The following PLBD1 variants were observed in gnomAD, a reference collection of about 807,000 sequenced individuals.
PLBD1 encodes the protein phospholipase B domain containing 1, also known as lysosomal leucine aminopeptidase.
A neutral mutation model predicts 63.0 loss-of-function variants in PLBD1; 60 were observed. That is an observed-to-expected ratio of 0.95 (90% CI 0.77 to 1.18). The LOEUF (loss-of-function observed/expected upper bound fraction) is 1.18. Among genes scored for constraint, PLBD1 ranks in the 50% most tolerant of loss-of-function variants. PLBD1 has a pLI of 0.00. For missense variants in PLBD1, 598 were observed against 677.9 expected (o/e 0.88, Z 1.31); for synonymous variants, 262 against 248.0 (o/e 1.06, Z -0.53).
chr12:14,559,729 ATT>A (rs1459867883), intron 1 of PLBD1, among the ~76,000 whole-genome samples: 1 of 151,974 alleles, frequency 6.6e-6, no homozygotes, highest in African/African-American at 2.4e-5. Flanking sequence ...TATAAAAAGT[ATT>A]TTTTTCTATA....
intron 4 of PLBD1, 131 bp from the exon 5 acceptor site, chr12:14,536,841 C>G (rs34400133): frequency 0.017 from 21,733 of 1,254,372 alleles, 242 homozygotes; most frequent in Non-Finnish European, 0.021. Flanking sequence ...GTAATCCCAG[C>G]ACTTTGGGAG....
chr12:14,504,379 T>C (rs1945233271), intron 10 of PLBD1, among the ~76,000 whole-genome samples: 1 of 152,210 alleles, frequency 6.6e-6, no homozygotes, highest in Non-Finnish European at 1.5e-5. Context: ...TTTCTTGCCA[T>C]TTTTCACATT....
Position 14,506,983 on chromosome 12 carries a change from T to G in PLBD1, c.1322A>C (p.Gln441Pro). 6.2e-7 allele frequency: 1 copy of G among 1,614,156 alleles called. No individual in the cohort carries two copies. Among genetic ancestry groups the G allele is most frequent in the Middle Eastern group, 1.6e-4 (1 of 6,062 alleles). The change falls in exon 9 of 11, where the codon CAA becomes CCA. Residue 441 changes from glutamine (Q) to proline (P), a missense_variant. Coordinates refer to ENST00000240617, the MANE Select transcript of PLBD1 (RefSeq NM_024829.6). ...APRAKIFRRD[Q>P]GKVTDTASMK... ...GGATGCCGTATCAGTCACTTTCCCT[T>G]GGTCACGCCGGAAAATTTTGGCTCG...
Position 14,550,834 on chromosome 12 carries a change from C to T in PLBD1, c.335+2359G>A, listed in dbSNP as rs375949569. 2.5e-4 allele frequency among the ~76,000 whole-genome samples: 38 copies of T among 151,114 alleles called. No individual in the cohort carries two copies. The East Asian group carries it at 6.7e-3, about 27-fold the overall frequency. On this transcript the variant is annotated intron_variant, in intron 2 of 10. Coordinates refer to ENST00000240617, the MANE Select transcript of PLBD1 (RefSeq NM_024829.6). Reference sequence around the variant, plus strand: ...CGGAGGTTGCAGTGAACCGAGATCACGCCATCGCACTCTAGCCTGGGCAGC... The same window carrying T: ...CGGAGGTTGCAGTGAACCGAGATCATGCCATCGCACTCTAGCCTGGGCAGC...
chr12:14,549,780 T>C (rs1945642204), intron 2 of PLBD1, among the ~76,000 whole-genome samples: 1 of 152,058 alleles, frequency 6.6e-6, no homozygotes, highest in Non-Finnish European at 1.5e-5. Context: ...TGATTCTCCT[T>C]CCTCAGCCTC....
intron 1 of PLBD1, among the ~76,000 whole-genome samples, chr12:14,563,150 T>C (rs1012016583): frequency 6.6e-6 from 1 of 152,226 alleles, no homozygotes; most frequent in Non-Finnish European, 1.5e-5. Flanking sequence ...AAGTGGGCAC[T>C]TCCTTCAGAC....
chr12:14,564,914 CTT>C (rs962859936), intron 1 of PLBD1, among the ~76,000 whole-genome samples: 1 of 152,186 alleles, frequency 6.6e-6, no homozygotes, highest in African/African-American at 2.4e-5. Flanking sequence ...AGATGTTAAA[CTT>C]TTTCAGAACC....
At chr12:14,521,148 C>T (rs773498398) in intron 6 of PLBD1, among the ~76,000 whole-genome samples, 7 of 152,126 alleles carry the variant, frequency 4.6e-5, no homozygotes, top group South Asian at 2.1e-4. Flanking sequence ...AAGCTGCCTA[C>T]GATGCACTCC....
At chr12:14,566,617 T>C (rs1945784979) in intron 1 of PLBD1, among the ~76,000 whole-genome samples, 1 of 152,146 alleles carries the variant, frequency 6.6e-6, no homozygotes, top group South Asian at 2.1e-4. Flanking sequence ...TAGATTTGCA[T>C]GAATACCTGT....
intron 6 of PLBD1, among the ~76,000 whole-genome samples, chr12:14,525,159 G>A (rs931462103): frequency 1.3e-5 from 2 of 152,184 alleles, no homozygotes; most frequent in African/African-American, 2.4e-5. Flanking sequence ...CTACTTGGGA[G>A]GCTGAGGCAG....
intron 2 of PLBD1, among the ~76,000 whole-genome samples, chr12:14,552,034 A>G (rs1171058131): frequency 6.6e-6 from 1 of 152,246 alleles, no homozygotes; most frequent in Non-Finnish European, 1.5e-5. Flanking sequence ...TTGTATTAAA[A>G]AAGAGCAATC....
rs1330770189 is a variant in PLBD1, at chr12:14,546,317, C to CA, written c.336-4027dup. On this transcript the variant is annotated intron_variant, in intron 2 of 10. Transcript: ENST00000240617. ...TGAGCAACAGAGCAAGATTCTGTCTCAAAAAAAAAAAAAAATGAAAAACAA... is the reference window on the plus strand; with the variant it reads ...TGAGCAACAGAGCAAGATTCTGTCTCAAAAAAAAAAAAAAAATGAAAAACAA... 9.9e-3 allele frequency among the ~76,000 whole-genome samples: 879 copies of CA among 88,606 alleles called. 6 individuals are homozygous for CA. The highest frequency in any genetic ancestry group is 0.035 in the South Asian group (102 of 2,882). The allele number at this position is 88,606 out of a possible 152,430, so 58.1% of individuals were successfully genotyped here.
chr12:14,562,958 A>C (rs1161555877), intron 1 of PLBD1, among the ~76,000 whole-genome samples: 2 of 152,188 alleles, frequency 1.3e-5, no homozygotes, highest in African/African-American at 4.8e-5. Context: ...GACAAAGTTC[A>C]TATGTTTCTT....
At chr12:14,566,181 A>G (rs1366443808) in intron 1 of PLBD1, among the ~76,000 whole-genome samples, 1 of 152,170 alleles carries the variant, frequency 6.6e-6, no homozygotes, top group Non-Finnish European at 1.5e-5. Context: ...GTACCTCTGA[A>G]TGAGCTGTCT....
At chr12:14,508,505 G>A (rs904519944) in intron 8 of PLBD1, among the ~76,000 whole-genome samples, 1 of 152,054 alleles carries the variant, frequency 6.6e-6, no homozygotes, top group Non-Finnish European at 1.5e-5. Flanking sequence ...GCAGTGGCTT[G>A]TGCCTGTAAT....
chr12:14,535,709 ACGT>A lies in PLBD1; in HGVS notation c.791_793del (p.Asn264_Val265delinsIle). The A allele has an allele frequency of 6.2e-7, 1 of 1,613,884 alleles. No homozygotes were observed. On this transcript the variant is annotated inframe_deletion, in exon 6 of 11. Coordinates refer to ENST00000240617, the MANE Select transcript of PLBD1 (RefSeq NM_024829.6). ...ACTACTGCTGGTATCTTTATCTATGACGTTGAAGTCCCAGTGTTTATATATCCT... is the reference window on the plus strand; with the variant it reads ...ACTACTGCTGGTATCTTTATCTATGATGAAGTCCCAGTGTTTATATATCCT...
At chr12:14,531,905 C>T (rs1037722834) in intron 6 of PLBD1, among the ~76,000 whole-genome samples, 2 of 152,168 alleles carry the variant, frequency 1.3e-5, no homozygotes, top group African/African-American at 4.8e-5. Context: ...GCTGGGATTA[C>T]AGGCATGAGC....
At chr12:14,506,296 G>A in intron 9 of PLBD1, 28 bp from the exon 10 acceptor site, 1 of 1,483,458 alleles carries the variant, frequency 6.7e-7, no homozygotes, top group East Asian at 2.3e-5. Flanking sequence ...GGAAGAGAGT[G>A]ATTATTGGCT....
intron 2 of PLBD1, among the ~76,000 whole-genome samples, chr12:14,552,022 G>C (rs1945663454): frequency 6.6e-6 from 1 of 152,148 alleles, no homozygotes; most frequent in Non-Finnish European, 1.5e-5. Context: ...AAAATTTGTA[G>C]TTTGTATTAA....
Sources: allele counts gnomAD v4.1 joint callset (sites outside exome capture counted in the v4.1 genomes callset), GRCh38; gene constraint gnomAD v4.1.1; transcripts MANE v1.5; gene names NCBI Gene and HGNC (gene_info 2026-07-23, HGNC 2026-07-21).